The following ADGRL3 variants were observed in gnomAD, a reference collection of about 807,000 sequenced individuals.
The protein encoded by ADGRL3 is calcium-independent alpha-latrotoxin receptor 3.
A neutral mutation model predicts 153.5 loss-of-function variants in ADGRL3; 62 were observed. That is an observed-to-expected ratio of 0.40 (90% CI 0.33 to 0.50). ADGRL3 has a LOEUF of 0.50. Ranked by LOEUF, ADGRL3 falls within the 20% of genes least tolerant of loss-of-function variation. The pLI, the probability that ADGRL3 is intolerant of heterozygous loss-of-function variation, is 0.47. For synonymous variants in ADGRL3, 710 were observed against 672.5 expected (o/e 1.06, Z -0.86); for missense variants, 1,641 against 1,859.4 (o/e 0.88, Z 2.16).
intron 1 of ADGRL3, among the ~76,000 whole-genome samples, chr4:61,344,817 C>T (rs1441026437): frequency 3.3e-5 from 5 of 151,468 alleles, no homozygotes; most frequent in Admixed American, 3.3e-4. Context: ...ATGGAGTTTC[C>T]CTCTTGTTGC....
At position 62,031,585 on chromosome 4, in the gene ADGRL3, T is replaced by C. The variant is rs1353301384; in HGVS notation, c.3566T>C (p.Ile1189Thr). ...FNSLQGMFIF[I>T]FHCVLQKKVR... ...TCTCTACAGGGAATGTTTATATTTA[T>C]TTTCCATTGTGTCCTACAGAAGAAG... The change falls in exon 23 of 27, where the codon ATT (isoleucine) becomes ACT (threonine). Residue 1189 changes from isoleucine (I) to threonine (T), a missense_variant. Physicochemically the swap from Ile to Thr is moderately conservative, Grantham distance 89. This residue lies in a region of ADGRL3 where 517 missense variants were observed against 555.0 expected (regional missense o/e 0.93). Transcript: ENST00000683033. 1.1e-5 allele frequency: 18 copies of C among 1,608,770 alleles called. No homozygotes were observed. The highest frequency in any genetic ancestry group is 1.4e-5 in the Non-Finnish European group (17 of 1,176,418).
chr4:61,945,801 C>T lies in ADGRL3; in HGVS notation c.2420-1113C>T, dbSNP rs983760851. Among the ~76,000 whole-genome samples the T allele has an allele frequency of 1.1e-3, 165 of 151,854 alleles. 2 individuals carry two copies. Among genetic ancestry groups the T allele is most frequent in the South Asian group, 4.2e-4 (2 of 4,802 alleles). On this transcript the variant is annotated intron_variant, in intron 15 of 26. Coordinates refer to ENST00000683033, the MANE Select transcript of ADGRL3 (RefSeq NM_001387552.1). Reference sequence around the variant, plus strand: ...GCCTCGCCCTGCTTCGGCTCGCGCACGGTGCGCACACACACTGGCCTGCGC... The same window carrying T: ...GCCTCGCCCTGCTTCGGCTCGCGCATGGTGCGCACACACACTGGCCTGCGC...
At chr4:61,556,542 C>G (rs1057279545) in intron 4 of ADGRL3, among the ~76,000 whole-genome samples, 1 of 152,004 alleles carries the variant, frequency 6.6e-6, no homozygotes, top group African/African-American at 2.4e-5. Context: ...TTCACTGTTT[C>G]AAAAGAGTCA....
intron 2 of ADGRL3, among the ~76,000 whole-genome samples, chr4:61,464,478 T>C (rs2097857352): frequency 6.6e-6 from 1 of 152,208 alleles, no homozygotes. Flanking sequence ...ATCTGTATTG[T>C]TTCTTTATAT....
At chr4:61,680,625 C>A (rs1338034143) in intron 6 of ADGRL3, among the ~76,000 whole-genome samples, 2 of 151,868 alleles carry the variant, frequency 1.3e-5, no homozygotes, top group African/African-American at 2.4e-5. Flanking sequence ...TGCAATAATT[C>A]TTGCACGGAA....
chr4:61,372,248 T>A (rs1349862161), intron 1 of ADGRL3, among the ~76,000 whole-genome samples: 1 of 152,230 alleles, frequency 6.6e-6, no homozygotes. Flanking sequence ...TCATTCTCCG[T>A]CCAGCTTTGT....
At chr4:61,329,197 C>G (rs1046123466) in intron 1 of ADGRL3, among the ~76,000 whole-genome samples, 1 of 152,092 alleles carries the variant, frequency 6.6e-6, no homozygotes, top group Admixed American at 6.6e-5. Flanking sequence ...CTCCTCTACT[C>G]TTATGAGTCT....
rs559320780 is a variant in ADGRL3 at position 62,002,767 on chromosome 4, C to T, written c.3395+4502C>T. On this transcript the variant is annotated intron_variant, in intron 21 of 26. Transcript: ENST00000683033. ...AAAGAATTCCAATCATTTGAATATT[C>T]TCATTGAGTTTCTGACAGGTCAAAA... 1.5e-4 allele frequency among the ~76,000 whole-genome samples: 23 copies of T among 152,140 alleles called. No homozygotes were observed. The South Asian group carries it at 4.8e-3, about 32-fold the overall frequency.
intron 13 of ADGRL3, among the ~76,000 whole-genome samples, chr4:61,916,629 C>T (rs1243857628): frequency 2.0e-5 from 3 of 151,846 alleles, no homozygotes; most frequent in South Asian, 2.1e-4. Flanking sequence ...GACATGTGTC[C>T]TATGCTGCTT....
rs532939386 is a variant in ADGRL3, at chr4:61,728,777, C to A, written c.584-1845C>A. On this transcript the variant is annotated intron_variant, in intron 6 of 26. Transcript: ENST00000683033. ...CTTTCATATGACTTTCTATCCCCAA[C>A]CTCAGCCTTCGTTATAATGTCTATA... is the stretch of plus-strand genomic sequence containing the variant. 3.3e-5 allele frequency among the ~76,000 whole-genome samples: 5 copies of A among 152,122 alleles called. No homozygotes were observed. The East Asian group carries it at 9.7e-4, about 29-fold the overall frequency.
chr4:61,413,882 C>T (rs1248325776), intron 2 of ADGRL3, among the ~76,000 whole-genome samples: 2 of 152,202 alleles, frequency 1.3e-5, no homozygotes, highest in African/African-American at 2.4e-5. Context: ...CCTTCAGCAT[C>T]TTCTTACATT....
At chr4:61,684,371 A>G (rs981671355) in intron 6 of ADGRL3, among the ~76,000 whole-genome samples, 3 of 152,150 alleles carry the variant, frequency 2.0e-5, no homozygotes, top group African/African-American at 7.2e-5. Flanking sequence ...AAAAAGTAAG[A>G]GTCAGTGATC....
chr4:61,824,592 T>C (rs2097784454), intron 9 of ADGRL3, among the ~76,000 whole-genome samples: 2 of 152,176 alleles, frequency 1.3e-5, no homozygotes, highest in Admixed American at 1.3e-4. Flanking sequence ...GGTAGTTGTG[T>C]TGGCTGTTAC....
At chr4:61,842,222 G>A (rs533582349) in intron 9 of ADGRL3, among the ~76,000 whole-genome samples, 2 of 152,156 alleles carry the variant, frequency 1.3e-5, no homozygotes, top group African/African-American at 4.8e-5. Context: ...ACAGAACTGA[G>A]GTAAATATTT....
At chr4:61,395,880 T>C (rs1214729380) in intron 2 of ADGRL3, among the ~76,000 whole-genome samples, 1 of 151,948 alleles carries the variant, frequency 6.6e-6, no homozygotes, top group East Asian at 1.9e-4. Flanking sequence ...GAACTGTTAA[T>C]GTAGAAGGAG....
At chr4:62,049,931 G>C (rs528347206) in intron 25 of ADGRL3, among the ~76,000 whole-genome samples, 1 of 152,066 alleles carries the variant, frequency 6.6e-6, no homozygotes, top group Non-Finnish European at 1.5e-5. Flanking sequence ...GCTTACAGCA[G>C]GGCCTGGAAC....
chr4:61,727,420 AAC>A (rs1434127267), intron 6 of ADGRL3, among the ~76,000 whole-genome samples: 2 of 152,174 alleles, frequency 1.3e-5, no homozygotes, highest in Non-Finnish European at 2.9e-5. Flanking sequence ...AAAGGAGACA[AAC>A]TCGTTTCAAA....
chr4:62,061,360 T>C (rs1236537057), intron 25 of ADGRL3, among the ~76,000 whole-genome samples: 1 of 151,738 alleles, frequency 6.6e-6, no homozygotes, highest in Non-Finnish European at 1.5e-5. Flanking sequence ...TTATCCAGTT[T>C]CCCTCATATC....
chr4:62,072,374 A>C lies in ADGRL3; in HGVS notation c.*1466A>C, dbSNP rs1470678524. ...TATGGTCTCAAAGTTGGATGACCTC[A>C]TTACTAATATTTGTTGTAAAAGTGA... is the stretch of plus-strand genomic sequence containing the variant. On this transcript the variant is annotated 3_prime_UTR_variant, in exon 27 of 27. Coordinates refer to ENST00000683033, the MANE Select transcript of ADGRL3 (RefSeq NM_001387552.1). 1 of 152,580 alleles carries C rather than the reference A, an allele frequency of 6.6e-6. No individual in the cohort carries two copies. Among genetic ancestry groups the C allele is most frequent in the Non-Finnish European group, 1.5e-5 (1 of 68,034 alleles). The allele number at this position is 152,580 out of a possible 1,614,324, so 9.5% of individuals were successfully genotyped here.
Sources: allele counts gnomAD v4.1 joint callset (sites outside exome capture counted in the v4.1 genomes callset), GRCh38; gene constraint gnomAD v4.1.1; regional missense constraint gnomAD v4.1.1; transcripts MANE v1.5; gene names NCBI Gene and HGNC (gene_info 2026-07-23, HGNC 2026-07-21).